SNX29: variants seen among roughly 807,000 people sequenced by gnomAD.
SNX29 encodes sorting nexin 29.
Under a neutral mutation model 102.1 loss-of-function variants are expected in SNX29, and 78 were observed. That is an observed-to-expected ratio of 0.76 (90% CI 0.64 to 0.92). The LOEUF (loss-of-function observed/expected upper bound fraction) is 0.92, where lower values mean the gene tolerates loss of function less well. Ranked by LOEUF, SNX29 falls within the 40% of genes least tolerant of loss-of-function variation. The pLI, the probability that SNX29 is intolerant of heterozygous loss-of-function variation, is 0.00. For synonymous variants in SNX29, 580 were observed against 414.5 expected, an observed-to-expected ratio of 1.40 and a Z score of -4.85; for missense variants, 1,280 against 1,061.7, an observed-to-expected ratio of 1.21 and a Z score of -2.86.
chr16:12,007,284 C>T (rs1292591803), intron 3 of SNX29, among the ~76,000 whole-genome samples: 1 of 152,172 alleles, frequency 6.6e-6, no homozygotes, highest in Non-Finnish European at 1.5e-5. Context: ...GCAGGCGAAT[C>T]ACTTGAGGTC....
intron 3 of SNX29, among the ~76,000 whole-genome samples, chr16:12,020,169 C>G (rs1215964529): frequency 2.0e-5 from 3 of 151,570 alleles, no homozygotes; most frequent in Admixed American, 6.6e-5. Flanking sequence ...GTCACCCATG[C>G]TAAAGTGCAG....
chr16:12,174,755 A>T (rs969605636), intron 13 of SNX29, among the ~76,000 whole-genome samples: 1 of 152,236 alleles, frequency 6.6e-6, no homozygotes, highest in African/African-American at 2.4e-5. Flanking sequence ...TTAGGAGGTT[A>T]TCAAATGACA....
intron 11 of SNX29, among the ~76,000 whole-genome samples, chr16:12,122,827 T>TG (rs1714815741): frequency 6.6e-6 from 1 of 152,002 alleles, no homozygotes; most frequent in African/African-American, 2.4e-5. Flanking sequence ...ATTAATAATT[T>TG]AAAAAAAATT....
intron 18 of SNX29, among the ~76,000 whole-genome samples, chr16:12,411,033 GAA>G (rs1293453577): frequency 6.6e-6 from 1 of 152,198 alleles, no homozygotes; most frequent in East Asian, 1.9e-4. Flanking sequence ...ATTAAGTAGA[GAA>G]AGATGAAATG....
intron 11 of SNX29, among the ~76,000 whole-genome samples, chr16:12,100,535 T>G (rs2141195504): frequency 6.6e-6 from 1 of 152,262 alleles, no homozygotes; most frequent in Admixed American, 6.5e-5. Flanking sequence ...CTGGAGGGGC[T>G]GCTGTGTCCA....
chr16:12,561,561 T>G (rs549283843), intron 20 of SNX29, among the ~76,000 whole-genome samples: 1 of 152,054 alleles, frequency 6.6e-6, no homozygotes, highest in African/African-American at 2.4e-5. Flanking sequence ...TGATGAGCAG[T>G]TGAGGCTGTC....
At chr16:12,174,763 A>C (rs1383907186) in intron 13 of SNX29, among the ~76,000 whole-genome samples, 3 of 152,220 alleles carry the variant, frequency 2.0e-5, no homozygotes, top group African/African-American at 7.2e-5. Context: ...TTATCAAATG[A>C]CATGGATGTG....
intron 9 of SNX29, among the ~76,000 whole-genome samples, chr16:12,062,323 G>A (rs1267331169): frequency 2.0e-5 from 3 of 151,816 alleles, no homozygotes; most frequent in Non-Finnish European, 4.4e-5. Flanking sequence ...AGGTTGCAGT[G>A]AGCCGATATC....
intron 15 of SNX29, among the ~76,000 whole-genome samples, chr16:12,279,422 T>C (rs1030404561): frequency 6.6e-6 from 1 of 152,234 alleles, no homozygotes. Flanking sequence ...AGCTGAGGCC[T>C]TAACACACAG....
intron 18 of SNX29, among the ~76,000 whole-genome samples, chr16:12,443,667 T>A (rs1045628299): frequency 2.0e-5 from 3 of 152,192 alleles, no homozygotes; most frequent in African/African-American, 7.2e-5. Context: ...ACCAGGCTGG[T>A]CTCAAACTCC....
intron 16 of SNX29, among the ~76,000 whole-genome samples, chr16:12,364,179 T>TTATGTTATGTTA (rs1322599039): frequency 2.4e-4 from 36 of 150,272 alleles, no homozygotes; most frequent in Admixed American, 2.4e-3. Flanking sequence ...TTATGTTATG[T>TTATGTTATGTTA]TATGTTATGT....
chr16:12,270,423 C>G (rs2079055920), intron 14 of SNX29, among the ~76,000 whole-genome samples: 1 of 152,164 alleles, frequency 6.6e-6, no homozygotes, highest in African/African-American at 2.4e-5. Context: ...CCTTAATACC[C>G]AGATGTTCTT....
intron 18 of SNX29, among the ~76,000 whole-genome samples, chr16:12,470,263 A>G (rs142708951): frequency 1.3e-5 from 2 of 152,350 alleles, no homozygotes; most frequent in African/African-American, 4.8e-5. Context: ...CATTTGGTCT[A>G]TGCTGCAGGA....
intron 15 of SNX29, among the ~76,000 whole-genome samples, chr16:12,288,439 C>G (rs1346492477): frequency 2.0e-5 from 3 of 152,212 alleles, no homozygotes; most frequent in African/African-American, 4.8e-5. Context: ...CTGCCACCCT[C>G]TGTTTGCGGG....
chr16:12,407,175 GC>G (rs34283527), intron 18 of SNX29, among the ~76,000 whole-genome samples: 74,990 of 151,986 alleles, frequency 0.49, 19,360 homozygotes, highest in Non-Finnish European at 0.58. Flanking sequence ...AAGGGCCCCC[GC>G]TTTTTCAGCC....
chr16:12,146,316 A>C (rs1490430199), intron 13 of SNX29, among the ~76,000 whole-genome samples: 1 of 151,416 alleles, frequency 6.6e-6, no homozygotes, highest in African/African-American at 2.4e-5. Context: ...CCCAGGCTAG[A>C]GTGCAGTGGC....
At chr16:12,137,676 A>G (rs1398957215) in intron 13 of SNX29, among the ~76,000 whole-genome samples, 1 of 152,208 alleles carries the variant, frequency 6.6e-6, no homozygotes, top group African/African-American at 2.4e-5. Flanking sequence ...AAATCATTGG[A>G]GAAATATGAA....
At position 12,235,565 on chromosome 16, in the gene SNX29, A is replaced by T. The variant is rs556026440; in HGVS notation, c.1678+35882A>T. On this transcript the variant is annotated intron_variant, in intron 14 of 20. Coordinates refer to ENST00000566228, the MANE Select transcript of SNX29 (RefSeq NM_032167.5). ...CCATTTTCCCAAGTTACTTTCCTAT[A>T]TTGATATATTTTCACCTGCCTAACA... is the stretch of plus-strand genomic sequence containing the variant. Among the ~76,000 whole-genome samples, 366 of 151,984 alleles carry T rather than the reference A, an allele frequency of 2.4e-3. 2 individuals are homozygous for T. Among genetic ancestry groups the T allele is most frequent in the African/African-American group, 8.7e-3 (359 of 41,404 alleles).
intron 18 of SNX29, among the ~76,000 whole-genome samples, chr16:12,404,429 G>A (rs1279495675): frequency 3.9e-5 from 6 of 151,976 alleles, no homozygotes; most frequent in East Asian, 1.9e-4. Context: ...CTCTTACCAC[G>A]GACTCTGATT....
Sources: gnomAD v4.1 joint callset for allele counts (sites outside exome capture counted in the v4.1 genomes callset) on GRCh38, gnomAD v4.1.1 for gene constraint, MANE v1.5 for transcripts, NCBI Gene and HGNC (gene_info 2026-07-23, HGNC 2026-07-21) for gene names.